Variants in NRXN3 observed in about 807,000 individuals in gnomAD.
NRXN3 encodes the protein neurexin III.
In NRXN3, 32 loss-of-function variants were observed where a neutral mutation model predicts 137.6. The ratio of observed to expected loss-of-function variants is 0.23; its 90% CI spans 0.18 to 0.31. NRXN3 has a LOEUF of 0.31. NRXN3 is among the 10% of genes least tolerant of loss of function. NRXN3 has a pLI of 1.00. For synonymous variants in NRXN3, 798 were observed against 784.5 expected (o/e 1.02, Z -0.29); for missense variants, 1,574 against 2,062.5 (o/e 0.76, Z 4.59).
chr14:78,254,428 C>T (rs775717069), intron 2 of NRXN3, among the ~76,000 whole-genome samples: 23 of 152,170 alleles, frequency 1.5e-4, no homozygotes, highest in Non-Finnish European at 2.9e-4. Context: ...TGCCTGTAAT[C>T]CCAGCACTTT....
chr14:78,470,161 A>G (rs1374429763), intron 4 of NRXN3, among the ~76,000 whole-genome samples: 1 of 152,182 alleles, frequency 6.6e-6, no homozygotes, highest in Non-Finnish European at 1.5e-5. Flanking sequence ...TTAATTGCAT[A>G]AGAGAGAAGT....
intron 16 of NRXN3, among the ~76,000 whole-genome samples, chr14:79,539,214 A>T (rs2097248280): frequency 6.6e-6 from 1 of 151,800 alleles, no homozygotes; most frequent in South Asian, 2.1e-4. Context: ...TTGTATTTTT[A>T]GCAGAGACTG....
At chr14:79,161,827 A>G (rs549505420) in intron 15 of NRXN3, among the ~76,000 whole-genome samples, 7 of 152,030 alleles carry the variant, frequency 4.6e-5, no homozygotes, top group Admixed American at 1.3e-4. Context: ...CACAGGGTGC[A>G]AAGGAAAGTG....
intron 16 of NRXN3, among the ~76,000 whole-genome samples, chr14:79,501,180 A>C (rs2096822838): frequency 6.6e-6 from 1 of 152,162 alleles, no homozygotes; most frequent in African/African-American, 2.4e-5. Flanking sequence ...AATTGTTTGT[A>C]TGTCTGTCCG....
intron 4 of NRXN3, among the ~76,000 whole-genome samples, chr14:78,343,599 T>C (rs1316455374): frequency 6.6e-6 from 1 of 152,224 alleles, no homozygotes; most frequent in African/African-American, 2.4e-5. Context: ...AGAGTGTTAA[T>C]GACTTGCCTG....
chr14:79,133,957 G>A (rs1483201964), intron 15 of NRXN3, among the ~76,000 whole-genome samples: 9 of 148,136 alleles, frequency 6.1e-5, no homozygotes, highest in South Asian at 2.2e-4. Flanking sequence ...AAAAAGGAAA[G>A]AAAAAAGAAA....
At chr14:79,800,318 T>C (rs1293983510) in intron 19 of NRXN3, among the ~76,000 whole-genome samples, 2 of 152,190 alleles carry the variant, frequency 1.3e-5, no homozygotes, top group Non-Finnish European at 2.9e-5. Flanking sequence ...AAATAACAAT[T>C]CACTACAAGT....
intron 6 of NRXN3, among the ~76,000 whole-genome samples, chr14:78,684,582 G>A (rs2098109070): frequency 6.6e-6 from 1 of 152,084 alleles, no homozygotes; most frequent in Non-Finnish European, 1.5e-5. Flanking sequence ...AGGCAGGAGG[G>A]TCACTCAAGG....
rs143967210 is a variant in NRXN3, at chr14:78,315,690, G to A, written c.757+17830G>A. On this transcript the variant is annotated intron_variant, in intron 4 of 20. Transcript: ENST00000335750. ...ATTGGGATCTTAGCTTGAGTTGATG[G>A]AGTGGGGCCAAATGCCTGATTCAAT... 3.1e-3 allele frequency among the ~76,000 whole-genome samples: 476 copies of A among 152,298 alleles called. 3 individuals carry two copies. The highest frequency in any genetic ancestry group is 0.011 in the African/African-American group (464 of 41,566).
chr14:79,233,374 G>A (rs2072602643), intron 15 of NRXN3, among the ~76,000 whole-genome samples: 1 of 152,130 alleles, frequency 6.6e-6, no homozygotes, highest in Non-Finnish European at 1.5e-5. Flanking sequence ...GTGCTGGTAA[G>A]TTCATTCACA....
At chr14:79,831,275 A>C (rs989511595) in intron 20 of NRXN3, among the ~76,000 whole-genome samples, 14 of 152,342 alleles carry the variant, frequency 9.2e-5, no homozygotes, top group South Asian at 6.2e-4. Flanking sequence ...TCTCTTTTGC[A>C]TAATCTTGTT....
At chr14:78,922,176 G>A (rs921522782) in intron 10 of NRXN3, among the ~76,000 whole-genome samples, 8 of 152,032 alleles carry the variant, frequency 5.3e-5, no homozygotes, top group South Asian at 2.1e-4. Flanking sequence ...ATATTTTATC[G>A]TCCTATATGG....
chr14:79,771,305 G>A (rs562967534), intron 19 of NRXN3, among the ~76,000 whole-genome samples: 25 of 152,134 alleles, frequency 1.6e-4, no homozygotes, highest in South Asian at 1.5e-3. Flanking sequence ...TACCAAAGCC[G>A]GGCAGAGACA....
intron 20 of NRXN3, among the ~76,000 whole-genome samples, chr14:79,849,055 A>T (rs187497673): frequency 6.6e-6 from 1 of 152,210 alleles, no homozygotes; most frequent in Non-Finnish European, 1.5e-5. Flanking sequence ...TCTCTTCCCC[A>T]CACCCAGTCA....
chr14:79,007,127 T>C (rs1026769875), intron 15 of NRXN3, among the ~76,000 whole-genome samples: 3 of 152,242 alleles, frequency 2.0e-5, no homozygotes, highest in African/African-American at 4.8e-5. Context: ...ACTTTTATTG[T>C]GTAAACTTAC....
chr14:78,753,175 A>G (rs1305205489), intron 8 of NRXN3, among the ~76,000 whole-genome samples: 1 of 152,226 alleles, frequency 6.6e-6, no homozygotes, highest in African/African-American at 2.4e-5. Context: ...ATTCAACTGA[A>G]TATGAAAACA....
chr14:79,846,567 G>C (rs2099373883), intron 20 of NRXN3, among the ~76,000 whole-genome samples: 1 of 152,146 alleles, frequency 6.6e-6, no homozygotes, highest in Non-Finnish European at 1.5e-5. Flanking sequence ...TTAAAAATTG[G>C]TAAGATAGTA....
intron 15 of NRXN3, among the ~76,000 whole-genome samples, chr14:79,227,559 T>G (rs1475748557): frequency 1.3e-5 from 2 of 152,202 alleles, no homozygotes; most frequent in African/African-American, 2.4e-5. Context: ...TGTGCATGTT[T>G]GTTATTTGTC....
chr14:79,860,166 A>G (rs1337770537), intron 20 of NRXN3, among the ~76,000 whole-genome samples: 1 of 152,194 alleles, frequency 6.6e-6, no homozygotes, highest in Non-Finnish European at 1.5e-5. Context: ...GTCTATGGGT[A>G]AACAGATATG....
Sources: allele counts gnomAD v4.1 joint callset (sites outside exome capture counted in the v4.1 genomes callset), GRCh38; gene constraint gnomAD v4.1.1; transcripts MANE v1.5; gene names NCBI Gene and HGNC (gene_info 2026-07-23, HGNC 2026-07-21).